RPS6KC1: variants seen among roughly 807,000 people sequenced by gnomAD.
RPS6KC1 encodes inactive ribosomal protein S6 kinase delta-1.
In RPS6KC1, 54 loss-of-function variants were observed where a neutral mutation model predicts 103.8. That is an observed-to-expected ratio of 0.52 (90% CI 0.42 to 0.65). The LOEUF is 0.65. Among genes scored for constraint, RPS6KC1 ranks in the 30% least tolerant of loss-of-function variants. The pLI is 0.00. For synonymous variants in RPS6KC1, 439 were observed against 438.7 expected, an observed-to-expected ratio of 1.00 and a Z score of -0.01; for missense variants, 1,151 against 1,253.8, an observed-to-expected ratio of 0.92 and a Z score of 1.24.
intron 6 of RPS6KC1, among the ~76,000 whole-genome samples, chr1:213,137,779 A>G (rs6702963): frequency 4.5e-5 from 1 of 22,332 alleles, no homozygotes; most frequent in Admixed American, 7.8e-4. Flanking sequence ...CTCTCTCTCT[A>G]TATATATATA....
intron 8 of RPS6KC1, among the ~76,000 whole-genome samples, chr1:213,226,155 A>C (rs976125958): frequency 6.6e-6 from 1 of 151,378 alleles, no homozygotes; most frequent in Non-Finnish European, 1.5e-5. Flanking sequence ...CCCGGGAGGC[A>C]GAGCTTGAAG....
the RPS6KC1 span, among the ~76,000 whole-genome samples, chr1:213,655,320 G>A: frequency 2.4e-5 from 3 of 127,342 alleles, no homozygotes; most frequent in Non-Finnish European, 3.9e-5. Context: ...TGGGATTACA[G>A]GCATGAGCCA....
chr1:213,722,615 G>A, the RPS6KC1 span, among the ~76,000 whole-genome samples: 1 of 152,158 alleles, frequency 6.6e-6, no homozygotes, highest in Admixed American at 6.5e-5. Context: ...CCTGCTAGAT[G>A]ATGGCCATCT....
the RPS6KC1 span, among the ~76,000 whole-genome samples, chr1:213,527,883 G>A: frequency 1.3e-5 from 2 of 152,010 alleles, no homozygotes; most frequent in South Asian, 4.2e-4. Context: ...TATATACCAT[G>A]CTCTTATAAT....
At chr1:213,380,871 T>A in the RPS6KC1 span, among the ~76,000 whole-genome samples, 1 of 152,170 alleles carries the variant, frequency 6.6e-6, no homozygotes, top group Non-Finnish European at 1.5e-5. Context: ...GGGCTCCTGT[T>A]CTAGTCCCCT....
chr1:213,062,106 G>T (rs961284204), intron 1 of RPS6KC1, among the ~76,000 whole-genome samples: 17 of 151,410 alleles, frequency 1.1e-4, no homozygotes, highest in African/African-American at 4.1e-4. Context: ...TTGTAGTTTT[G>T]TTTTCTAGTA....
the RPS6KC1 span, among the ~76,000 whole-genome samples, chr1:213,857,119 T>C: frequency 1.3e-5 from 2 of 152,236 alleles, no homozygotes; most frequent in African/African-American, 4.8e-5. Flanking sequence ...CTAGTTATTG[T>C]TGACTTTTTA....
the RPS6KC1 span, among the ~76,000 whole-genome samples, chr1:213,773,003 C>T: frequency 1.3e-5 from 2 of 152,124 alleles, no homozygotes; most frequent in African/African-American, 4.8e-5. Context: ...CTTTTGTTGC[C>T]ACCGCTCAAC....
In RPS6KC1 at chr1:213,172,445, A is replaced by T. The variant is rs539914713; in HGVS notation, c.952-3955A>T. 5.2e-4 allele frequency among the ~76,000 whole-genome samples: 79 copies of T among 152,152 alleles called. 1 individual carries two copies. Among genetic ancestry groups the T allele is most frequent in the African/African-American group, 1.9e-3 (78 of 41,532 alleles). On this transcript the variant is annotated intron_variant, in intron 7 of 14. Transcript: ENST00000366960. ...TGCATCTCTACTAAAAATACAAAAA[A>T]TAAAAAAATAAAAAAATTAGCCAGG...
At chr1:213,292,107 G>T in the RPS6KC1 span, among the ~76,000 whole-genome samples, 448 of 152,120 alleles carry the variant, frequency 2.9e-3, 3 homozygotes, top group African/African-American at 0.01. Context: ...TTGAGGGGTG[G>T]GGGTAGGGGG....
At chr1:213,378,129 G>A in the RPS6KC1 span, among the ~76,000 whole-genome samples, 1 of 152,204 alleles carries the variant, frequency 6.6e-6, no homozygotes, top group Non-Finnish European at 1.5e-5. Context: ...GTACGCTGTT[G>A]TAAGCTGATA....
the RPS6KC1 span, among the ~76,000 whole-genome samples, chr1:213,625,603 C>T: frequency 2.6e-3 from 401 of 152,294 alleles, 1 homozygote; most frequent in African/African-American, 9.1e-3. Context: ...CAACAGTCCC[C>T]GGTGTGTGAT....
At chr1:213,649,710 C>T in the RPS6KC1 span, among the ~76,000 whole-genome samples, 2 of 152,228 alleles carry the variant, frequency 1.3e-5, no homozygotes, top group Admixed American at 6.5e-5. Flanking sequence ...CAACAAAAAT[C>T]GTAAGCTCCT....
chr1:213,560,623 C>G, the RPS6KC1 span, among the ~76,000 whole-genome samples: 1 of 152,294 alleles, frequency 6.6e-6, no homozygotes, highest in East Asian at 1.9e-4. Context: ...CTTTGAGACC[C>G]TAAGTAGGGA....
the RPS6KC1 span, among the ~76,000 whole-genome samples, chr1:213,491,709 G>C: frequency 6.6e-6 from 1 of 152,180 alleles, no homozygotes; most frequent in African/African-American, 2.4e-5. Flanking sequence ...CATAGCCTTA[G>C]AATCACCCTG....
the RPS6KC1 span, among the ~76,000 whole-genome samples, chr1:213,364,394 T>G: frequency 2.6e-5 from 4 of 152,220 alleles, no homozygotes; most frequent in East Asian, 7.7e-4. Flanking sequence ...ATACAAAGTT[T>G]TCTTCTGTCA....
the RPS6KC1 span, among the ~76,000 whole-genome samples, chr1:213,615,666 G>A: frequency 1.2e-4 from 19 of 152,352 alleles, no homozygotes; most frequent in African/African-American, 4.1e-4. Flanking sequence ...CTCCATCACC[G>A]TGTGTTCCAC....
At chr1:213,570,214 G>A in the RPS6KC1 span, among the ~76,000 whole-genome samples, 1 of 152,130 alleles carries the variant, frequency 6.6e-6, no homozygotes, top group Non-Finnish European at 1.5e-5. Flanking sequence ...ACCTCATTGA[G>A]TTCTAGTTTT....
At chr1:213,362,583 C>T in the RPS6KC1 span, among the ~76,000 whole-genome samples, 24 of 152,284 alleles carry the variant, frequency 1.6e-4, no homozygotes, top group East Asian at 5.8e-4. Flanking sequence ...TGGGCAAACA[C>T]GTGGTCAGGA....
Sources: gnomAD v4.1 joint callset for allele counts (sites outside exome capture counted in the v4.1 genomes callset) on GRCh38, gnomAD v4.1.1 for gene constraint, MANE v1.5 for transcripts, NCBI Gene and HGNC (gene_info 2026-07-23, HGNC 2026-07-21) for gene names.